The following QRFPR variants were observed in gnomAD, a reference collection of about 807,000 sequenced individuals.
QRFPR encodes pyroglutamylated RFamide peptide receptor, also known as pyroglutamylated RF-amide peptide receptor.
Under a neutral mutation model 31.3 loss-of-function variants are expected in QRFPR, and 37 were observed. That is an observed-to-expected ratio of 1.18 (90% CI 0.91 to 1.56). The LOEUF is 1.56. Ranked by LOEUF, QRFPR falls within the 40% of genes most tolerant of loss-of-function variation. The pLI is 0.00. For synonymous variants in QRFPR, 197 were observed against 192.0 expected, an observed-to-expected ratio of 1.03 and a Z score of -0.22; for missense variants, 542 against 532.5, an observed-to-expected ratio of 1.02 and a Z score of -0.18.
At chr4:121,357,127 A>C (rs1725885841) in intron 1 of QRFPR, among the ~76,000 whole-genome samples, 2 of 152,116 alleles carry the variant, frequency 1.3e-5, no homozygotes, top group African/African-American at 4.8e-5. Flanking sequence ...TATATGTTAC[A>C]ATTATGGAGG....
At chr4:121,376,828 C>T (rs553057584) in intron 1 of QRFPR, among the ~76,000 whole-genome samples, 57 of 73,936 alleles carry the variant, frequency 7.7e-4, no homozygotes, top group African/African-American at 2.9e-3. Context: ...TCAAGTAGTA[C>T]TTAACAAACT....
rs1181823171 is a variant in QRFPR, at chr4:121,365,655, T to TATAA, written c.340+14652_340+14653insTTAT. On this transcript the variant is annotated intron_variant, in intron 1 of 5. Transcript: ENST00000394427. ...ATATATATATTTTATATATTATATA[T>TATAA]TATATATATTTTATATATTATATAT... Among the ~76,000 whole-genome samples, 9 of 27,940 alleles carry TATAA rather than the reference T, an allele frequency of 3.2e-4. 1 individual carries two copies. Among genetic ancestry groups the TATAA allele is most frequent in the African/African-American group, 1.4e-3 (9 of 6,550 alleles). The allele number at this position is 27,940 out of a possible 152,430, so 18.3% of individuals were successfully genotyped here.
At position 121,364,197 on chromosome 4, in the gene QRFPR, T is replaced by G. The variant is rs116766621; in HGVS notation, c.340+16111A>C. Among the ~76,000 whole-genome samples, 1,045 of 149,782 alleles carry G rather than the reference T, an allele frequency of 7.0e-3. 69 individuals carry two copies. The highest frequency in any genetic ancestry group is 0.025 in the African/African-American group (1,012 of 40,474). On this transcript the variant is annotated intron_variant, in intron 1 of 5. Coordinates refer to ENST00000394427, the MANE Select transcript of QRFPR (RefSeq NM_198179.3). ...ATCATGCCTACAGTCCAGGGTGGCC[T>G]GGAAAAACACTCTACAATTGGGCAT...
At chr4:121,331,622 CATT>C (rs59488750) in intron 4 of QRFPR, among the ~76,000 whole-genome samples, 6,961 of 142,664 alleles carry the variant, frequency 0.049, 192 homozygotes, top group South Asian at 0.067. Context: ...CTCATTATCT[CATT>C]ATTATTATTA....
chr4:121,354,426 C>G (rs553940081), intron 1 of QRFPR, among the ~76,000 whole-genome samples: 1 of 151,818 alleles, frequency 6.6e-6, no homozygotes, highest in South Asian at 2.1e-4. Flanking sequence ...AAATCTTTCA[C>G]TTCTTTGGTT....
intron 2 of QRFPR, among the ~76,000 whole-genome samples, chr4:121,337,761 A>G (rs1725462112): frequency 6.6e-6 from 1 of 152,220 alleles, no homozygotes. Context: ...AACTTCAGAA[A>G]CCAAAATGCT....
rs397995185 is a variant in QRFPR at position 121,331,175 on chromosome 4, GTTTTTTTTTTTT to G, written c.798-664_798-653del. On this transcript the variant is annotated intron_variant, in intron 4 of 5. Transcript: ENST00000394427. ...TGGATATCTATACGATATATCTTGG[GTTTTTTTTTTTT>G]TTTTTTTTTTTTTTTGAGACAAGGT... 7.2e-5 allele frequency among the ~76,000 whole-genome samples: 5 copies of G among 69,038 alleles called. No homozygotes were observed. In the South Asian group the frequency reaches 1.9e-3, roughly 27 times the overall value. 45.3% of individuals were successfully genotyped at this position (69,038 alleles called of 152,430 possible).
At chr4:121,365,587 ATATTAT>A (rs1726103682) in intron 1 of QRFPR, among the ~76,000 whole-genome samples, 1 of 2,856 alleles carries the variant, frequency 3.5e-4, no homozygotes, top group Non-Finnish European at 7.5e-4. Flanking sequence ...TATATTATAT[ATATTAT>A]ATATATATAA....
chr4:121,342,750 C>T (rs1278967615), intron 1 of QRFPR, among the ~76,000 whole-genome samples: 3 of 151,938 alleles, frequency 2.0e-5, no homozygotes, highest in African/African-American at 4.8e-5. Context: ...AATGGCAATA[C>T]GTTAGGCCAT....
At chr4:121,373,992 G>C (rs13139657) in intron 1 of QRFPR, among the ~76,000 whole-genome samples, 2 of 152,080 alleles carry the variant, frequency 1.3e-5, no homozygotes, top group East Asian at 1.9e-4. Context: ...CTACCATTCT[G>C]TTACCCGCCC....
intron 1 of QRFPR, among the ~76,000 whole-genome samples, chr4:121,351,705 G>A (rs951602994): frequency 7.2e-5 from 11 of 152,056 alleles, no homozygotes; most frequent in African/African-American, 2.7e-4. Context: ...TTTCTTGAAT[G>A]TGATGGTAAT....
intron 1 of QRFPR, among the ~76,000 whole-genome samples, chr4:121,374,400 C>A (rs1000142998): frequency 6.6e-6 from 1 of 152,116 alleles, no homozygotes; most frequent in African/African-American, 2.4e-5. Flanking sequence ...TCTATTATTT[C>A]TTTTAATCTT....
At chr4:121,353,025 T>C (rs1488438267) in intron 1 of QRFPR, among the ~76,000 whole-genome samples, 1 of 152,124 alleles carries the variant, frequency 6.6e-6, no homozygotes, top group Non-Finnish European at 1.5e-5. Context: ...GTTCCATCTA[T>C]GCTGTTCTGA....
intron 1 of QRFPR, among the ~76,000 whole-genome samples, chr4:121,373,312 C>CTGT (rs1726287834): frequency 6.6e-6 from 1 of 152,144 alleles, no homozygotes; most frequent in Non-Finnish European, 1.5e-5. Flanking sequence ...GCTGTTACTG[C>CTGT]CACTCTCTCA....
chr4:121,375,383 C>G (rs566055805), intron 1 of QRFPR, among the ~76,000 whole-genome samples: 1 of 152,152 alleles, frequency 6.6e-6, no homozygotes, highest in Non-Finnish European at 1.5e-5. Context: ...GCTTCCTCCC[C>G]CTTCTTAGTC....
At chr4:121,370,017 G>C in intron 1 of QRFPR, 1 of 770,908 alleles carries the variant, frequency 1.3e-6, no homozygotes, top group Non-Finnish European at 2.4e-6. Context: ...TCTGTTTTGT[G>C]ATCACATAAT....
In QRFPR at chr4:121,329,015, A is replaced by C; in HGVS notation, c.*299T>G. The C allele has an allele frequency of 4.9e-6, 1 of 204,728 alleles. No homozygotes were observed. Among genetic ancestry groups the C allele is most frequent in the East Asian group, 1.2e-4 (1 of 8,412 alleles). The allele number at this position is 204,728 out of a possible 1,614,324, so 12.7% of individuals were successfully genotyped here. A position where few individuals can be genotyped will look rare whatever the true frequency, so the allele number is the denominator to read the frequency against. The stretch of plus-strand genomic sequence containing the variant: ...GTGATCCGCCCGTCTAGGCCTCCCA[A>C]AGTGCTGGGATTACAGGCATGAGCC... On this transcript the variant is annotated 3_prime_UTR_variant, in exon 6 of 6. Transcript: ENST00000394427.
At chr4:121,339,660 G>T (rs1725500530) in intron 2 of QRFPR, among the ~76,000 whole-genome samples, 1 of 152,068 alleles carries the variant, frequency 6.6e-6, no homozygotes, top group African/African-American at 2.4e-5. Flanking sequence ...TGCCTGGCCA[G>T]GTGCAGTGGC....
intron 2 of QRFPR, among the ~76,000 whole-genome samples, chr4:121,339,396 C>T (rs1485139456): frequency 6.6e-6 from 1 of 152,276 alleles, no homozygotes; most frequent in Non-Finnish European, 1.5e-5. Context: ...TTCAAATTTA[C>T]CATTTATCAT....
Sources: gnomAD v4.1 joint callset for allele counts (sites outside exome capture counted in the v4.1 genomes callset) on GRCh38, gnomAD v4.1.1 for gene constraint, MANE v1.5 for transcripts, NCBI Gene and HGNC (gene_info 2026-07-23, HGNC 2026-07-21) for gene names.